Variants in PUDP observed in about 807,000 individuals in gnomAD.
The protein encoded by PUDP is pseudouridine 5'-phosphatase, also known as pseudouridine-5'-phosphatase.
Under a neutral mutation model 9.4 loss-of-function variants are expected in PUDP, and 8 were observed. The observed-to-expected ratio is 0.85, with a 90% CI of 0.50 to 1.53. The LOEUF (loss-of-function observed/expected upper bound fraction) is 1.53, where lower values mean the gene tolerates loss of function less well. Among genes scored for constraint, PUDP ranks in the 40% most tolerant of loss-of-function variants. PUDP has a pLI of 0.00. For missense variants in PUDP, 188 were observed against 189.7 expected (o/e 0.99, Z 0.05); for synonymous variants, 99 against 80.7 (o/e 1.23, Z -1.22).
At chrX:6,852,577 T>C (rs1447221187) in intron 3 of PUDP, among the ~76,000 whole-genome samples, 1 of 96,393 alleles carries the variant, frequency 1.0e-5, no homozygotes, top group Non-Finnish European at 2.1e-5. Flanking sequence ...TGCAAATTCA[T>C]TCTCAAACAA....
intron 3 of PUDP, among the ~76,000 whole-genome samples, chrX:6,823,152 G>C (rs912506234): frequency 9.0e-6 from 1 of 111,261 alleles, no homozygotes; most frequent in Admixed American, 9.6e-5. Flanking sequence ...ACTTCAGCCC[G>C]GGTGACAAAG....
chrX:7,051,641 T>C (rs1307372535), intron 3 of PUDP, among the ~76,000 whole-genome samples: 1 of 112,242 alleles, frequency 8.9e-6, no homozygotes, highest in African/African-American at 3.2e-5. Flanking sequence ...TGCCACCACA[T>C]TGACAATGTT....
At chrX:7,013,110 C>A (rs1397615404) in intron 1 of PUDP, among the ~76,000 whole-genome samples, 1 of 111,750 alleles carries the variant, frequency 8.9e-6, no homozygotes, top group African/African-American at 3.3e-5. Context: ...AGGCTTATTC[C>A]TGATTAGTTT....
At chrX:6,861,504 C>T (rs1156781104) in intron 3 of PUDP, among the ~76,000 whole-genome samples, 1 of 111,548 alleles carries the variant, frequency 9.0e-6, no homozygotes, top group African/African-American at 3.3e-5. Context: ...TAATGTTATG[C>T]AATATTAAAA....
intron 1 of PUDP, among the ~76,000 whole-genome samples, chrX:7,107,457 T>G (rs998929738): frequency 9.8e-5 from 11 of 112,666 alleles, no homozygotes; most frequent in African/African-American, 3.5e-4. Flanking sequence ...CATGCTTACA[T>G]GCACATAGGT....
At chrX:6,957,738 A>G (rs923023253) in intron 3 of PUDP, among the ~76,000 whole-genome samples, 2 of 112,420 alleles carry the variant, frequency 1.8e-5, no homozygotes, top group African/African-American at 6.5e-5. Context: ...AAAAGTATAC[A>G]TTGCCATAAA....
At chrX:6,778,002 C>T (rs1395817625) in intron 3 of PUDP, among the ~76,000 whole-genome samples, 1 of 111,727 alleles carries the variant, frequency 9.0e-6, no homozygotes, top group Non-Finnish European at 1.9e-5. Flanking sequence ...ACCTGTCCCC[C>T]CGCCACGAAC....
chrX:7,086,762 A>G (rs1485013679), intron 2 of PUDP, among the ~76,000 whole-genome samples: 1 of 112,325 alleles, frequency 8.9e-6, no homozygotes, highest in Non-Finnish European at 1.9e-5. Flanking sequence ...GGGACCCGGC[A>G]CCAACTCAAA....
chrX:7,094,863 G>A, intron 2 of PUDP, among the ~76,000 whole-genome samples: 2 of 111,822 alleles, frequency 1.8e-5, no homozygotes, highest in Middle Eastern at 9.3e-3. Flanking sequence ...TTCGCTTGTT[G>A]TGTGTGTCCT....
Position 7,075,998 on chromosome X carries a change from G to A in PUDP, c.510+1222C>T, listed in dbSNP as rs139866593. ...TTAACCTTCGGGGTCTGGGCTAACCGTAGGAGTCAGTGTCAGAACTGAACT... is the reference window on the plus strand; with the variant it reads ...TTAACCTTCGGGGTCTGGGCTAACCATAGGAGTCAGTGTCAGAACTGAACT... On this transcript the variant is annotated intron_variant, in intron 3 of 3. Coordinates refer to ENST00000381077, the MANE Select transcript of PUDP (RefSeq NM_012080.5). 8.1e-4 allele frequency among the ~76,000 whole-genome samples: 90 copies of A among 111,019 alleles called. No homozygotes were observed. The East Asian group carries it at 8.9e-3, about 11-fold the overall frequency.
intron 3 of PUDP, among the ~76,000 whole-genome samples, chrX:6,727,690 G>T (rs1036168200): frequency 9.0e-6 from 1 of 111,660 alleles, no homozygotes. Context: ...TATCCCTGTG[G>T]CCAGTGGGTG....
intron 1 of PUDP, among the ~76,000 whole-genome samples, chrX:7,137,177 A>C (rs1248962744): frequency 2.0e-5 from 2 of 98,772 alleles, no homozygotes; most frequent in East Asian, 3.3e-4. Flanking sequence ...GGAGGTGGAG[A>C]TTGCAGTGAG....
At chrX:7,057,268 C>A (rs759683795) in intron 3 of PUDP, among the ~76,000 whole-genome samples, 138 of 111,829 alleles carry the variant, frequency 1.2e-3, no homozygotes, top group Non-Finnish European at 2.3e-3. Flanking sequence ...CTTCAGGTTA[C>A]TGTAAGAAAA....
intron 3 of PUDP, among the ~76,000 whole-genome samples, chrX:6,969,016 G>A (rs769995789): frequency 8.9e-6 from 1 of 112,204 alleles, no homozygotes; most frequent in South Asian, 3.7e-4. Context: ...GTCACTTCTA[G>A]GATTTACTGA....
intron 3 of PUDP, among the ~76,000 whole-genome samples, chrX:6,963,077 GC>G (rs1928731193): frequency 9.0e-6 from 1 of 110,989 alleles, no homozygotes; most frequent in Non-Finnish European, 1.9e-5. Context: ...GTACTGCAGG[GC>G]ACTGGGAAAC....
chrX:6,930,011 G>T (rs1175673080), intron 3 of PUDP, among the ~76,000 whole-genome samples: 1 of 111,388 alleles, frequency 9.0e-6, no homozygotes, highest in Non-Finnish European at 1.9e-5. Flanking sequence ...AGAATTTTGT[G>T]GTACCCCAAG....
intron 3 of PUDP, among the ~76,000 whole-genome samples, chrX:6,770,684 G>A (rs1248958864): frequency 4.5e-5 from 5 of 111,044 alleles, no homozygotes; most frequent in Non-Finnish European, 9.4e-5. Flanking sequence ...GGCTGGGGCT[G>A]TTTCCTCCCA....
At chrX:6,757,806 G>A (rs1296412450) in intron 3 of PUDP, among the ~76,000 whole-genome samples, 1 of 112,275 alleles carries the variant, frequency 8.9e-6, no homozygotes, top group African/African-American at 3.2e-5. Flanking sequence ...TAAGCAATAT[G>A]TCGTGAAATG....
At chrX:7,133,416 A>T (rs148210357) in intron 1 of PUDP, among the ~76,000 whole-genome samples, 1,593 of 112,267 alleles carry the variant, frequency 0.014, 14 homozygotes, top group Non-Finnish European at 0.024. Context: ...AGCTATGGGG[A>T]AGCCAGAAGA....
Sources: allele counts gnomAD v4.1 joint callset (sites outside exome capture counted in the v4.1 genomes callset), GRCh38; gene constraint gnomAD v4.1.1; transcripts MANE v1.5; gene names NCBI Gene and HGNC (gene_info 2026-07-23, HGNC 2026-07-21).